The following DCLK1 variants were observed in gnomAD, a reference collection of about 807,000 sequenced individuals.
DCLK1 encodes serine/threonine-protein kinase DCLK1.
In DCLK1, 16 loss-of-function variants were observed where a neutral mutation model predicts 86.2. That is an observed-to-expected ratio of 0.19 (90% CI 0.13 to 0.28). The LOEUF (loss-of-function observed/expected upper bound fraction) is 0.28. DCLK1 is among the 10% of genes least tolerant of loss of function. The probability of loss-of-function intolerance (pLI) is 1.00; values close to 1 mark genes in which losing one functional copy is unlikely to be tolerated. For missense variants in DCLK1, 590 were observed against 940.2 expected (o/e 0.63, Z 4.87); for synonymous variants, 369 against 370.5 (o/e 1.00, Z 0.05).
chr13:35,842,228 C>CAA (rs35862851), intron 6 of DCLK1, among the ~76,000 whole-genome samples: 2,269 of 34,982 alleles, frequency 0.065, 501 homozygotes, highest in Admixed American at 0.11. Context: ...GACTCCATCT[C>CAA]AAAAAAAAAA....
intron 3 of DCLK1, among the ~76,000 whole-genome samples, chr13:36,045,377 T>TCTATATATAC (rs568110221): frequency 0.056 from 6,957 of 125,022 alleles, 273 homozygotes; most frequent in East Asian, 0.088. Context: ...TATATATATA[T>TCTATATATAC]TTCAAGGTAA....
chr13:35,828,359 T>A (rs1233041763), intron 8 of DCLK1, 52 bp from the exon 9 acceptor site: 1 of 1,454,660 alleles, frequency 6.9e-7, no homozygotes, highest in Non-Finnish European at 9.4e-7. Flanking sequence ...TCAAATCTAT[T>A]GAATTATTTT....
At chr13:35,778,800 GACTCA>G (rs537531992) in intron 16 of DCLK1, among the ~76,000 whole-genome samples, 4 of 152,282 alleles carry the variant, frequency 2.6e-5, no homozygotes, top group African/African-American at 9.6e-5. Flanking sequence ...ACTGAACTCA[GACTCA>G]ACCTGTGAAT....
chr13:35,814,511 G>A (rs1825698178), intron 11 of DCLK1, among the ~76,000 whole-genome samples: 1 of 152,216 alleles, frequency 6.6e-6, no homozygotes, highest in Non-Finnish European at 1.5e-5. Flanking sequence ...GCAAGCGCAG[G>A]CTTGGACAGG....
intron 4 of DCLK1, among the ~76,000 whole-genome samples, chr13:35,876,209 T>C (rs1237017613): frequency 6.6e-6 from 1 of 152,174 alleles, no homozygotes; most frequent in South Asian, 2.1e-4. Flanking sequence ...AATGAAGTAA[T>C]AGCTTGGAGG....
chr13:35,869,015 T>C (rs1262993688), intron 5 of DCLK1: 2 of 453,570 alleles, frequency 4.4e-6, no homozygotes, highest in African/African-American at 2.0e-5. Flanking sequence ...GGTCTCAAAC[T>C]CCTGACCTCA....
At chr13:35,868,961 T>TAG in intron 5 of DCLK1, 1 of 359,494 alleles carries the variant, frequency 2.8e-6, no homozygotes, top group South Asian at 2.1e-5. Context: ...TGGCTAATTT[T>TAG]TGTATTTTTA....
At chr13:35,846,636 C>A in intron 6 of DCLK1, 1 of 985,306 alleles carries the variant, frequency 1.0e-6, no homozygotes, top group Non-Finnish European at 1.2e-6. Flanking sequence ...CACGCTATAT[C>A]AGGCAATTGG....
intron 3 of DCLK1, among the ~76,000 whole-genome samples, chr13:35,975,246 C>A (rs375674226): frequency 2.6e-5 from 4 of 152,300 alleles, no homozygotes; most frequent in South Asian, 4.1e-4. Context: ...GACCAGTAGG[C>A]TTGGGCAGGA....
In DCLK1 at chr13:35,777,138, C is replaced by A. The variant is rs145760475; in HGVS notation, c.2059-2439G>T. ...TAAATGTTCACCTTTGTAGATAAGA[C>A]CTCATGCACAAATGCTCCTGAGCTT... On this transcript the variant is annotated intron_variant, in intron 16 of 16. Coordinates refer to ENST00000360631, the MANE Select transcript of DCLK1 (RefSeq NM_001330071.2). 1.4e-3 allele frequency among the ~76,000 whole-genome samples: 217 copies of A among 152,310 alleles called. 1 individual carries two copies. The highest frequency in any genetic ancestry group is 2.8e-3 in the African/African-American group (115 of 41,578).
At chr13:35,871,953 T>G (rs546071658) in intron 4 of DCLK1, among the ~76,000 whole-genome samples, 1 of 152,368 alleles carries the variant, frequency 6.6e-6, no homozygotes, top group South Asian at 2.1e-4. Flanking sequence ...GATTTTATAC[T>G]GTGTCTGTGA....
At chr13:36,115,340 C>CAAAT (rs1885747101) in intron 2 of DCLK1, among the ~76,000 whole-genome samples, 2 of 151,948 alleles carry the variant, frequency 1.3e-5, no homozygotes, top group South Asian at 4.2e-4. Context: ...AACAAACAAA[C>CAAAT]AAACAAATAA....
At chr13:35,914,427 C>T (rs1354204157) in intron 4 of DCLK1, among the ~76,000 whole-genome samples, 4 of 143,688 alleles carry the variant, frequency 2.8e-5, no homozygotes, top group Admixed American at 2.1e-4. Context: ...AGAACTGAAA[C>T]TAACCAAGGC....
intron 5 of DCLK1, among the ~76,000 whole-genome samples, chr13:35,866,128 T>C (rs1871773207): frequency 6.6e-6 from 1 of 152,168 alleles, no homozygotes; most frequent in Admixed American, 6.5e-5. Flanking sequence ...AAAGCAGTTA[T>C]CCCAGCCCTG....
intron 3 of DCLK1, among the ~76,000 whole-genome samples, chr13:36,030,094 C>A (rs755819252): frequency 8.5e-5 from 13 of 152,122 alleles, no homozygotes; most frequent in Admixed American, 6.5e-4. Context: ...AGAGCACGTC[C>A]AAGGGAGGCT....
intron 15 of DCLK1, among the ~76,000 whole-genome samples, chr13:35,804,810 G>A (rs1222132370): frequency 6.6e-6 from 1 of 152,200 alleles, no homozygotes; most frequent in Non-Finnish European, 1.5e-5. Context: ...TAATGACTCT[G>A]CTCTGGAGAA....
intron 16 of DCLK1, among the ~76,000 whole-genome samples, chr13:35,777,920 C>T (rs945125532): frequency 6.6e-6 from 1 of 152,200 alleles, no homozygotes; most frequent in African/African-American, 2.4e-5. Flanking sequence ...TTCATCCTGC[C>T]TGCACCATAA....
At chr13:35,860,319 T>G (rs60956965) in intron 5 of DCLK1, among the ~76,000 whole-genome samples, 2,296 of 141,056 alleles carry the variant, frequency 0.016, 65 homozygotes, top group African/African-American at 0.064. Flanking sequence ...ATGCAGGGGG[T>G]GGGGGGTGCA....
intron 3 of DCLK1, among the ~76,000 whole-genome samples, chr13:36,070,284 C>T (rs953664554): frequency 1.3e-5 from 2 of 152,098 alleles, no homozygotes; most frequent in African/African-American, 4.8e-5. Context: ...ACTTATCTCA[C>T]GGGATGGTTC....
Sources: allele counts gnomAD v4.1 joint callset (sites outside exome capture counted in the v4.1 genomes callset), GRCh38; gene constraint gnomAD v4.1.1; transcripts MANE v1.5; gene names NCBI Gene and HGNC (gene_info 2026-07-23, HGNC 2026-07-21).